RFT1: variants seen among roughly 807,000 people sequenced by gnomAD.
The protein encoded by RFT1 is man(5)GlcNAc(2)-PP-dolichol translocation protein RFT1.
In RFT1, 43 loss-of-function variants were observed where a neutral mutation model predicts 62.2. The ratio of observed to expected loss-of-function variants is 0.69; its 90% CI spans 0.54 to 0.89. RFT1 has a LOEUF of 0.89. RFT1 is among the 40% of genes least tolerant of loss of function. The pLI, the probability that RFT1 is intolerant of heterozygous loss-of-function variation, is 0.00. For synonymous variants in RFT1, 262 were observed against 264.6 expected, an observed-to-expected ratio of 0.99 and a Z score of 0.10; for missense variants, 605 against 649.9, an observed-to-expected ratio of 0.93 and a Z score of 0.75.
At chr3:53,069,781 C>T in the RFT1 span, among the ~76,000 whole-genome samples, 5 of 152,194 alleles carry the variant, frequency 3.3e-5, no homozygotes, top group African/African-American at 7.2e-5. Flanking sequence ...TGCACTGTGG[C>T]GGCCACTGCA....
chr3:53,092,765 C>T, intron 11 of RFT1, 147 bp from the exon 12 acceptor site: 1 of 908,766 alleles, frequency 1.1e-6, no homozygotes, highest in Non-Finnish European at 1.7e-6. Context: ...TACCTGGAGA[C>T]CATGGGAATG....
chr3:53,096,383 T>A (rs1370122764), intron 11 of RFT1, among the ~76,000 whole-genome samples: 1 of 150,594 alleles, frequency 6.6e-6, no homozygotes, highest in African/African-American at 2.4e-5. Context: ...ATGAGGTTAT[T>A]AAAAAAAAAG....
chr3:53,126,142 C>G (rs1490325596), intron 1 of RFT1, 148 bp from the exon 2 acceptor site: 2 of 644,616 alleles, frequency 3.1e-6, no homozygotes, highest in Admixed American at 4.4e-5. Flanking sequence ...AGACGCCCAA[C>G]CTGTCTGCAT....
rs773260379 is a variant in RFT1, at chr3:53,104,092, G to A, written c.963C>T (p.Asp321=). ...GKDATLQKQE[D]VAVAAAVLES... ...CCAAGACTGCAGCAGCCACAGCAAC[G>A]TCCTCCTGGGGCCAGGGAAGAGGGA... The change falls in exon 10 of 13, where the codon GAC becomes GAT. Residue 321 remains aspartate (D), a synonymous_variant. Transcript: ENST00000296292. 5.6e-6 allele frequency: 9 copies of A among 1,614,116 alleles called. No homozygotes were observed. The highest frequency in any genetic ancestry group is 1.6e-4 in the Middle Eastern group (1 of 6,062).
chr3:53,127,756 T>G (rs559428258), intron 1 of RFT1, among the ~76,000 whole-genome samples: 1 of 151,812 alleles, frequency 6.6e-6, no homozygotes, highest in South Asian at 2.1e-4. Flanking sequence ...GGCAACACAG[T>G]GAGACCTCAT....
the RFT1 span, among the ~76,000 whole-genome samples, chr3:53,069,741 C>T: frequency 4.6e-5 from 7 of 152,180 alleles, no homozygotes; most frequent in African/African-American, 9.7e-5. Context: ...TACTTCCCAG[C>T]GCCTCCCCGT....
At chr3:53,110,189 A>T (rs528479179) in intron 7 of RFT1, among the ~76,000 whole-genome samples, 2 of 152,352 alleles carry the variant, frequency 1.3e-5, no homozygotes, top group Admixed American at 6.5e-5. Context: ...AACTGCTCTT[A>T]AAACCTTGGA....
intron 9 of RFT1, 106 bp from the exon 10 acceptor site, chr3:53,104,203 C>T (rs910495239): frequency 2.7e-5 from 31 of 1,153,218 alleles, no homozygotes; most frequent in Non-Finnish European, 3.7e-5. Flanking sequence ...GTTCACTCTT[C>T]CAACAGCGTG....
At chr3:53,118,286 A>G (rs1701865345) in intron 6 of RFT1, among the ~76,000 whole-genome samples, 1 of 152,030 alleles carries the variant, frequency 6.6e-6, no homozygotes, top group Non-Finnish European at 1.5e-5. Flanking sequence ...GGGAAGAAGA[A>G]CTCTTCTGCA....
At chr3:53,110,307 G>A (rs934975862) in intron 7 of RFT1, among the ~76,000 whole-genome samples, 9 of 152,178 alleles carry the variant, frequency 5.9e-5, no homozygotes, top group Admixed American at 6.5e-5. Context: ...CAATAGTTAC[G>A]TTGTTGCTTT....
chr3:53,111,938 C>T, intron 6 of RFT1, 30 bp from the exon 7 acceptor site: 1 of 1,554,344 alleles, frequency 6.4e-7, no homozygotes, highest in Non-Finnish European at 8.9e-7. Context: ...AAAACAAAAA[C>T]ATCACAGGCG....
intron 8 of RFT1, 150 bp downstream of exon 8, chr3:53,106,669 T>C (rs1282005183): frequency 2.9e-6 from 2 of 684,304 alleles, no homozygotes; most frequent in Non-Finnish European, 5.1e-6. Flanking sequence ...TTGGAGGGCA[T>C]AGTCAGTACA....
intron 10 of RFT1, 73 bp downstream of exon 10, chr3:53,103,880 A>G: frequency 1.9e-6 from 3 of 1,575,094 alleles, no homozygotes; most frequent in Non-Finnish European, 2.6e-6. Context: ...TGTGTGCACA[A>G]GTTCTTGAAT....
At chr3:53,120,102 A>G in intron 5 of RFT1, 81 bp from the exon 6 acceptor site, 1 of 1,205,346 alleles carries the variant, frequency 8.3e-7, no homozygotes, top group Non-Finnish European at 1.1e-6. Context: ...CAGTCAAGTA[A>G]TAGAACTCTC....
intron 11 of RFT1, among the ~76,000 whole-genome samples, chr3:53,096,228 C>T (rs145564676): frequency 0.012 from 1,848 of 152,250 alleles, 17 homozygotes; most frequent in Non-Finnish European, 0.02. Context: ...TTGCTGTATT[C>T]CTAGAGCTTA....
At chr3:53,124,829 A>G (rs1575504385) in intron 2 of RFT1, among the ~76,000 whole-genome samples, 1 of 152,118 alleles carries the variant, frequency 6.6e-6, no homozygotes, top group East Asian at 1.9e-4. Context: ...AAAATTATTC[A>G]GGTGTGGCGG....
In RFT1 at chr3:53,126,029, T is replaced by G. The variant is rs144625440; in HGVS notation, c.64-35A>C. ...AAGAGGAAAAATACGTAAGAATAAA[T>G]GACGTTAGAAGTGTTTACTTAGCTG... On this transcript the variant is annotated intron_variant, in intron 1 of 12. Coordinates refer to ENST00000296292, the MANE Select transcript of RFT1 (RefSeq NM_052859.4). 161 of 1,521,928 alleles carry G rather than the reference T, an allele frequency of 1.1e-4. 1 individual carries two copies. The African/African-American group carries it at 2.0e-3, about 19-fold the overall frequency. 94.3% of individuals were successfully genotyped at this position (1,521,928 alleles called of 1,614,324 possible).
intron 11 of RFT1, among the ~76,000 whole-genome samples, chr3:53,098,273 C>A (rs952408464): frequency 6.6e-5 from 10 of 152,196 alleles, no homozygotes; most frequent in Non-Finnish European, 1.5e-4. Flanking sequence ...TAGGAGTGGA[C>A]CAGAAATTCC....
At chr3:53,071,280 G>A in the RFT1 span, among the ~76,000 whole-genome samples, 1 of 152,178 alleles carries the variant, frequency 6.6e-6, no homozygotes, top group Non-Finnish European at 1.5e-5. Context: ...TAAGACCTGA[G>A]CCGGCGTGTC....
Sources: gnomAD v4.1 joint callset for allele counts (sites outside exome capture counted in the v4.1 genomes callset) on GRCh38, gnomAD v4.1.1 for gene constraint, MANE v1.5 for transcripts, NCBI Gene and HGNC (gene_info 2026-07-23, HGNC 2026-07-21) for gene names.